The following ARHGEF12 variants were observed in gnomAD, a reference collection of about 807,000 sequenced individuals.
ARHGEF12 encodes the protein KMT2A/ARHGEF12 fusion protein.
Under a neutral mutation model 211.2 loss-of-function variants are expected in ARHGEF12, and 66 were observed. That is an observed-to-expected ratio of 0.31 (90% CI 0.26 to 0.38). ARHGEF12 has a LOEUF of 0.38. Among genes scored for constraint, ARHGEF12 ranks in the 10% least tolerant of loss-of-function variants. ARHGEF12 has a pLI of 1.00. For synonymous variants in ARHGEF12, 592 were observed against 638.4 expected (o/e 0.93, Z 1.09); for missense variants, 1,429 against 1,869.5 (o/e 0.76, Z 4.34).
intron 1 of ARHGEF12, among the ~76,000 whole-genome samples, chr11:120,345,788 A>C (rs923481112): frequency 1.3e-5 from 2 of 152,086 alleles, no homozygotes; most frequent in African/African-American, 4.8e-5. Context: ...GACGTTAAAA[A>C]AATTAACAAT....
intron 1 of ARHGEF12, among the ~76,000 whole-genome samples, chr11:120,341,595 A>G (rs1190393141): frequency 6.6e-6 from 1 of 152,256 alleles, no homozygotes; most frequent in African/African-American, 2.4e-5. Context: ...GATACGGGTC[A>G]CAGAAACAGC....
At chr11:120,417,307 G>A (rs1945060042) in intron 4 of ARHGEF12, among the ~76,000 whole-genome samples, 4 of 152,024 alleles carry the variant, frequency 2.6e-5, no homozygotes, top group Admixed American at 1.3e-4. Flanking sequence ...GCTTTTGTGA[G>A]GTGAGGTGGG....
intron 1 of ARHGEF12, among the ~76,000 whole-genome samples, chr11:120,342,171 G>A (rs1942557149): frequency 6.6e-6 from 1 of 151,850 alleles, no homozygotes; most frequent in Admixed American, 6.6e-5. Context: ...GTATTTTTCT[G>A]TGCTATTTTC....
chr11:120,391,279 A>G (rs1944209111), intron 1 of ARHGEF12, among the ~76,000 whole-genome samples: 1 of 152,190 alleles, frequency 6.6e-6, no homozygotes. Context: ...TTTTTTTCTA[A>G]TAAGAATTAA....
chr11:120,400,791 C>CTAA (rs1180044560), intron 1 of ARHGEF12, among the ~76,000 whole-genome samples: 1 of 152,260 alleles, frequency 6.6e-6, no homozygotes, highest in East Asian at 1.9e-4. Context: ...GTAAGAGAGC[C>CTAA]TAACCAAGGG....
chr11:120,359,734 G>T (rs918903162), intron 1 of ARHGEF12, among the ~76,000 whole-genome samples: 2 of 152,192 alleles, frequency 1.3e-5, no homozygotes, highest in African/African-American at 4.8e-5. Flanking sequence ...AGTTAATATA[G>T]TATCTTGGGT....
intron 1 of ARHGEF12, among the ~76,000 whole-genome samples, chr11:120,400,485 C>T (rs1944523814): frequency 1.3e-5 from 2 of 151,972 alleles, no homozygotes; most frequent in African/African-American, 2.4e-5. Flanking sequence ...GTTCTTTTTA[C>T]TTGGTTTTCT....
At chr11:120,401,048 A>C (rs1359059201) in intron 1 of ARHGEF12, among the ~76,000 whole-genome samples, 1 of 152,126 alleles carries the variant, frequency 6.6e-6, no homozygotes, top group African/African-American at 2.4e-5. Context: ...AGTCCTTCGG[A>C]TATAACTAGT....
At chr11:120,474,710 G>A in intron 32 of ARHGEF12, 75 bp downstream of exon 32, 2 of 1,159,540 alleles carry the variant, frequency 1.7e-6, no homozygotes, top group South Asian at 2.9e-5. Context: ...CTATGACAAA[G>A]GGAAGAGGAG....
intron 15 of ARHGEF12, among the ~76,000 whole-genome samples, chr11:120,443,499 A>C (rs2135795676): frequency 6.6e-6 from 1 of 152,268 alleles, no homozygotes; most frequent in South Asian, 2.1e-4. Flanking sequence ...CCTTTCTAAA[A>C]ACAAACACAC....
intron 1 of ARHGEF12, among the ~76,000 whole-genome samples, chr11:120,350,496 C>T (rs1942901965): frequency 7.1e-6 from 1 of 140,536 alleles, no homozygotes; most frequent in African/African-American, 2.7e-5. Flanking sequence ...GCCTGGGTGA[C>T]AGAGCAAGAC....
In ARHGEF12 at chr11:120,449,103, C is replaced by G; in HGVS notation, c.1738-6C>G. On this transcript the variant is annotated splice_polypyrimidine_tract_variant and splice_region_variant and intron_variant, in intron 20 of 40. Transcript: ENST00000397843. ...GTATCTCTTATTTTTTGTACTTCAA[C>G]TCTAGCAAAGTATGAAGAAAGATAA... is the stretch of plus-strand genomic sequence containing the variant. 1 of 1,611,740 alleles carries G rather than the reference C, an allele frequency of 6.2e-7. No homozygotes were observed. Among genetic ancestry groups the G allele is most frequent in the Non-Finnish European group, 8.5e-7 (1 of 1,178,324 alleles).
At chr11:120,423,141 A>G (rs562251084) in intron 6 of ARHGEF12, among the ~76,000 whole-genome samples, 9 of 152,304 alleles carry the variant, frequency 5.9e-5, no homozygotes, top group Admixed American at 1.3e-4. Flanking sequence ...AATACATAAC[A>G]TATTAATGAG....
At chr11:120,352,378 T>C (rs1345943254) in intron 1 of ARHGEF12, among the ~76,000 whole-genome samples, 1 of 152,214 alleles carries the variant, frequency 6.6e-6, no homozygotes, top group Admixed American at 6.5e-5. Context: ...ATGTAATATA[T>C]TAATAGTAGA....
chr11:120,374,238 GA>G (rs1943665934), intron 1 of ARHGEF12, among the ~76,000 whole-genome samples: 1 of 152,132 alleles, frequency 6.6e-6, no homozygotes. Flanking sequence ...GTGTAGGAGA[GA>G]TGTTATGACT....
chr11:120,373,389 T>C (rs1943639816), intron 1 of ARHGEF12, among the ~76,000 whole-genome samples: 1 of 152,228 alleles, frequency 6.6e-6, no homozygotes, highest in Non-Finnish European at 1.5e-5. Flanking sequence ...CTATACAACA[T>C]TCTGTTCTCT....
intron 40 of ARHGEF12, among the ~76,000 whole-genome samples, chr11:120,484,842 T>G (rs1947358693): frequency 6.6e-6 from 1 of 152,144 alleles, no homozygotes; most frequent in East Asian, 1.9e-4. Context: ...TGTGGAGGAT[T>G]TGGCCTTATT....
chr11:120,360,004 A>C (rs1031877028), intron 1 of ARHGEF12, among the ~76,000 whole-genome samples: 6 of 152,224 alleles, frequency 3.9e-5, no homozygotes, highest in Non-Finnish European at 8.8e-5. Context: ...CTCTAATAAC[A>C]CGTAATACTA....
At chr11:120,431,620 G>T in intron 10 of ARHGEF12, 151 bp from the exon 11 acceptor site, 1 of 729,752 alleles carries the variant, frequency 1.4e-6, no homozygotes, top group Admixed American at 4.1e-5. Context: ...GATTTTACTC[G>T]TAGAATTTTA....
Sources: gnomAD v4.1 joint callset for allele counts (sites outside exome capture counted in the v4.1 genomes callset) on GRCh38, gnomAD v4.1.1 for gene constraint, MANE v1.5 for transcripts, NCBI Gene and HGNC (gene_info 2026-07-23, HGNC 2026-07-21) for gene names.